ABR: variants seen among roughly 807,000 people sequenced by gnomAD.
ABR encodes ABR activator of RhoGEF and GTPase, also known as active breakpoint cluster region-related protein.
A neutral mutation model predicts 107.2 loss-of-function variants in ABR; 35 were observed. That is an observed-to-expected ratio of 0.33 (90% CI 0.25 to 0.43). The LOEUF is 0.43. Ranked by LOEUF, ABR falls within the 20% of genes least tolerant of loss-of-function variation. ABR has a pLI of 1.00. For missense variants in ABR, 815 were observed against 1,115.2 expected (o/e 0.73, Z 3.83); for synonymous variants, 498 against 462.0 (o/e 1.08, Z -1.00).
At chr17:1,046,688 G>T (rs1237911482) in intron 16 of ABR, among the ~76,000 whole-genome samples, 1 of 152,202 alleles carries the variant, frequency 6.6e-6, no homozygotes, top group East Asian at 1.9e-4. Context: ...CCTCTGTCCG[G>T]GCTGGGGGAT....
chr17:1,013,711 G>A (rs144056934), intron 16 of ABR, among the ~76,000 whole-genome samples: 1 of 152,210 alleles, frequency 6.6e-6, no homozygotes, highest in Non-Finnish European at 1.5e-5. Flanking sequence ...TATTCCATCT[G>A]CAACAGAACC....
intron 2 of ABR, among the ~76,000 whole-genome samples, chr17:1,107,081 G>A (rs2038302197): frequency 6.6e-6 from 1 of 152,244 alleles, no homozygotes; most frequent in African/African-American, 2.4e-5. Flanking sequence ...TTCTAGAGGT[G>A]TTCAGGATGG....
At chr17:1,205,990 C>T (rs541391721) in intron 1 of ABR, among the ~76,000 whole-genome samples, 13 of 151,000 alleles carry the variant, frequency 8.6e-5, no homozygotes, top group Non-Finnish European at 1.2e-4. Context: ...GTGGCGCGCA[C>T]CTGTAGTCCC....
intron 11 of ABR, 59 bp from the exon 12 acceptor site, chr17:1,058,104 G>A: frequency 8.9e-7 from 1 of 1,124,726 alleles, no homozygotes; most frequent in Non-Finnish European, 1.3e-6. Flanking sequence ...CGTACTCCCA[G>A]ATCCTGGGGA....
In ABR at chr17:1,071,905, T is replaced by G. The variant is rs767135105; in HGVS notation, c.894+709A>C. Among the ~76,000 whole-genome samples the G allele has an allele frequency of 1.3e-5, 2 of 152,112 alleles. No individual in the cohort carries two copies. Among genetic ancestry groups the G allele is most frequent in the African/African-American group, 4.8e-5 (2 of 41,416 alleles). On this transcript the variant is annotated intron_variant, in intron 8 of 22. Coordinates refer to ENST00000302538, the MANE Select transcript of ABR (RefSeq NM_021962.5). The surrounding 1 kb of genome is among the most constrained non-coding windows in gnomAD (Gnocchi z 5.1). Reference sequence around the variant, plus strand: ...CCTCAGGTTCTTCTGGCTCACTGGATTGTTATTATTATTTCTGAGATGGAG... The same window carrying G: ...CCTCAGGTTCTTCTGGCTCACTGGAGTGTTATTATTATTTCTGAGATGGAG...
chr17:1,136,943 A>T (rs1203511010), intron 1 of ABR, among the ~76,000 whole-genome samples: 1 of 152,114 alleles, frequency 6.6e-6, no homozygotes, highest in Admixed American at 6.6e-5. Context: ...AACTGGTAGG[A>T]GAGGCTCCGC....
At position 1,078,841 on chromosome 17, in the gene ABR, T is replaced by C; in HGVS notation, c.700+489A>G. The C allele has an allele frequency of 2.6e-6, 4 of 1,535,494 alleles. No homozygotes were observed. Among genetic ancestry groups the C allele is most frequent in the Non-Finnish European group, 8.7e-7 (1 of 1,146,812 alleles). On this transcript the variant is annotated intron_variant, in intron 6 of 22. Coordinates refer to ENST00000302538, the MANE Select transcript of ABR (RefSeq NM_021962.5). The surrounding 1 kb of genome is among the most constrained non-coding windows in gnomAD (Gnocchi z 7.5). ...TAGGTGCAGTTACAGCAGAAGCGAA[T>C]AATGAGGAGAATCTCCATGGCAGCC...
rs934755740 is a variant in ABR at position 1,078,735 on chromosome 17, C to T, written c.700+595G>A. On this transcript the variant is annotated intron_variant, in intron 6 of 22. Transcript: ENST00000302538. The surrounding 1 kb of genome is among the most constrained non-coding windows in gnomAD (Gnocchi z 7.5). ...CTTCCCTGCGGCCCTCTAACCTCCCCGGCCACATCTAAGCCCACTCCAGCC... is the reference window on the plus strand; with the variant it reads ...CTTCCCTGCGGCCCTCTAACCTCCCTGGCCACATCTAAGCCCACTCCAGCC... 2.7e-5 allele frequency: 39 copies of T among 1,444,192 alleles called. No homozygotes were observed. Among genetic ancestry groups the T allele is most frequent in the Middle Eastern group, 1.7e-4 (1 of 5,780 alleles). The allele number at this position is 1,444,192 out of a possible 1,614,324, so 89.5% of individuals were successfully genotyped here. A position where few individuals can be genotyped will look rare whatever the true frequency, so the allele number is the denominator to read the frequency against.
At chr17:1,116,855 G>C (rs1389097110) in intron 2 of ABR, among the ~76,000 whole-genome samples, 1 of 152,178 alleles carries the variant, frequency 6.6e-6, no homozygotes, top group Admixed American at 6.5e-5. Flanking sequence ...AGGGACCCAA[G>C]ATCCAGGAAG....
At chr17:1,043,096 C>T (rs2030932059) in intron 16 of ABR, among the ~76,000 whole-genome samples, 1 of 152,136 alleles carries the variant, frequency 6.6e-6, no homozygotes. Flanking sequence ...GGAGGGCCAA[C>T]AAGTTCTGGA....
chr17:1,188,583 G>A (rs1478984887), upstream of ABR, among the ~76,000 whole-genome samples: 2 of 152,002 alleles, frequency 1.3e-5, no homozygotes, highest in Non-Finnish European at 2.9e-5. Flanking sequence ...AATAACTAGG[G>A]GTCGCTACTA....
intron 16 of ABR, among the ~76,000 whole-genome samples, chr17:1,026,399 G>A (rs560025983): frequency 3.3e-5 from 5 of 152,352 alleles, no homozygotes; most frequent in South Asian, 2.1e-4. Flanking sequence ...TGGATGTCAC[G>A]GCTCTGGCTG....
rs2150670443 is a variant in ABR, at chr17:1,003,551, T to TTTTA, written c.*2525_*2528dup. 6.5e-6 allele frequency: 1 copy of TTTTA among 152,792 alleles called. No individual in the cohort carries two copies. The highest frequency in any genetic ancestry group is 2.4e-5 in the African/African-American group (1 of 41,592). 9.5% of individuals were successfully genotyped at this position (152,792 alleles called of 1,614,324 possible). A position where few individuals can be genotyped will look rare whatever the true frequency, so the allele number is the denominator to read the frequency against. On this transcript the variant is annotated 3_prime_UTR_variant, in exon 23 of 23. Coordinates refer to ENST00000302538, the MANE Select transcript of ABR (RefSeq NM_021962.5). ...TGTGCAAATGATGGGGCTTTGCATTTTTTATTAACATTTTCCTCTCACGTG... is the reference window on the plus strand; with the variant it reads ...TGTGCAAATGATGGGGCTTTGCATTTTTTATTTATTAACATTTTCCTCTCACGTG...
At position 1,118,141 on chromosome 17, in the gene ABR, C is replaced by G. The variant is rs1279693999; in HGVS notation, c.246+7042G>C. On this transcript the variant is annotated intron_variant, in intron 2 of 22. Transcript: ENST00000302538. ...ATCCCTGAGCCTGAGTTCCCCCCAGCGTTATCCCTGAGCCTGAGTTCCTCC... is the reference window on the plus strand; with the variant it reads ...ATCCCTGAGCCTGAGTTCCCCCCAGGGTTATCCCTGAGCCTGAGTTCCTCC... Among the ~76,000 whole-genome samples the G allele has an allele frequency of 1.9e-4, 13 of 68,372 alleles. 1 individual carries two copies. Among genetic ancestry groups the G allele is most frequent in the African/African-American group, 7.9e-4 (13 of 16,372 alleles). 44.9% of individuals were successfully genotyped at this position (68,372 alleles called of 152,430 possible).
rs554827951 is a variant in ABR at position 1,083,703 on chromosome 17, C to A, written c.532-76G>T. 289 of 1,245,034 alleles carry A rather than the reference C, an allele frequency of 2.3e-4. No individual in the cohort carries two copies. The African/African-American group carries it at 3.7e-3, about 16-fold the overall frequency. The allele number at this position is 1,245,034 out of a possible 1,614,324, so 77.1% of individuals were successfully genotyped here. On this transcript the variant is annotated intron_variant, in intron 4 of 22. Coordinates refer to ENST00000302538, the MANE Select transcript of ABR (RefSeq NM_021962.5). ...GATTAATGAATGGATGAAAGCTTCACGGAGCACCGGGAGCTCCCCTGCACT... is the reference window on the plus strand; with the variant it reads ...GATTAATGAATGGATGAAAGCTTCAAGGAGCACCGGGAGCTCCCCTGCACT...
At position 1,092,807 on chromosome 17, in the gene ABR, T is replaced by G. The variant is rs995352556; in HGVS notation, c.346-957A>C. Among the ~76,000 whole-genome samples the G allele has an allele frequency of 6.7e-6, 1 of 150,342 alleles. No homozygotes were observed. The highest frequency in any genetic ancestry group is 2.4e-5 in the African/African-American group (1 of 40,824). ...GAAGGTGTGGCAGGGAAGGGCAGGG[T>G]GGCCAGAGGGAGAGCAGCCACGTCG... On this transcript the variant is annotated intron_variant, in intron 3 of 22. Coordinates refer to ENST00000302538, the MANE Select transcript of ABR (RefSeq NM_021962.5). This position sits in a 1 kb window ranked among gnomAD's most constrained non-coding sequence, Gnocchi z 4.6.
chr17:1,021,988 A>C (rs1365085104), intron 16 of ABR, among the ~76,000 whole-genome samples: 1 of 149,756 alleles, frequency 6.7e-6, no homozygotes, highest in Admixed American at 6.7e-5. Flanking sequence ...ACGAAACCCC[A>C]TCTCTACTAA....
chr17:1,207,250 CAA>C (rs71148448), intron 1 of ABR, among the ~76,000 whole-genome samples: 15 of 150,002 alleles, frequency 1.0e-4, no homozygotes, highest in Non-Finnish European at 3.0e-5. Flanking sequence ...AGACGTGTCT[CAA>C]AAAAAAAAAT....
intron 16 of ABR, among the ~76,000 whole-genome samples, chr17:1,040,798 C>A (rs912623551): frequency 1.3e-5 from 2 of 152,216 alleles, no homozygotes; most frequent in Non-Finnish European, 2.9e-5. Flanking sequence ...GAAGCTGAGG[C>A]TCAGAGGCAA....
Sources: gnomAD v4.1 joint callset for allele counts (sites outside exome capture counted in the v4.1 genomes callset) on GRCh38, gnomAD v4.1.1 for gene constraint, Gnocchi (gnomAD v3.1) non-coding constraint, MANE v1.5 for transcripts, NCBI Gene and HGNC (gene_info 2026-07-23, HGNC 2026-07-21) for gene names.